Variants in PLCG2 observed in about 807,000 individuals in gnomAD.
PLCG2 encodes 1-phosphatidylinositol 4,5-bisphosphate phosphodiesterase gamma-2.
PLCG2 carries 69 observed loss-of-function variants against 175.6 expected under a neutral mutation model. That is an observed-to-expected ratio of 0.39 (90% CI 0.32 to 0.48). PLCG2 has a LOEUF of 0.48. Ranked by LOEUF, PLCG2 falls within the 20% of genes least tolerant of loss-of-function variation. The pLI is 0.91. For synonymous variants in PLCG2, 827 were observed against 624.0 expected (o/e 1.33, Z -4.85); for missense variants, 1,798 against 1,650.9 (o/e 1.09, Z -1.54).
At chr16:81,779,863 C>T (rs1016938496) in intron 1 of PLCG2, among the ~76,000 whole-genome samples, 1 of 152,128 alleles carries the variant, frequency 6.6e-6, no homozygotes, top group Non-Finnish European at 1.5e-5. Flanking sequence ...TTGCGGGTGG[C>T]GGGTGGGAGC....
intron 2 of PLCG2, among the ~76,000 whole-genome samples, chr16:81,792,467 C>A (rs1177131722): frequency 4.1e-5 from 4 of 97,320 alleles, no homozygotes; most frequent in African/African-American, 8.8e-5. Flanking sequence ...GGTGACAGAG[C>A]AAGGCTCTGT....
At chr16:81,922,498 C>T (rs1404626005) in intron 21 of PLCG2, among the ~76,000 whole-genome samples, 1 of 152,242 alleles carries the variant, frequency 6.6e-6, no homozygotes, top group Non-Finnish European at 1.5e-5. Context: ...TATCATTATA[C>T]ACATGATCTC....
chr16:81,781,362 G>T (rs1028326528), intron 1 of PLCG2, among the ~76,000 whole-genome samples: 7 of 146,170 alleles, frequency 4.8e-5, no homozygotes, highest in Admixed American at 3.6e-4. Flanking sequence ...CAGTGCATGT[G>T]CACCATTATT....
rs546850221 is a variant in PLCG2, at chr16:81,962,120, C to T, written c.*4122C>T. 4.9e-4 allele frequency: 90 copies of T among 185,200 alleles called. No individual in the cohort carries two copies. Among genetic ancestry groups the T allele is most frequent in the African/African-American group, 2.0e-3 (84 of 42,712 alleles). The allele number at this position is 185,200 out of a possible 1,614,324, so 11.5% of individuals were successfully genotyped here. On this transcript the variant is annotated 3_prime_UTR_variant, in exon 33 of 33. Coordinates refer to ENST00000564138, the MANE Select transcript of PLCG2 (RefSeq NM_002661.5). ...GGACCGGTCTTCGGTCAAGGGTATA[C>T]GAGTAGCTGCGCTCCCCTGCTGGAA...
At chr16:81,896,684 A>G (rs1322753715) in intron 13 of PLCG2, among the ~76,000 whole-genome samples, 1 of 152,040 alleles carries the variant, frequency 6.6e-6, no homozygotes, top group Non-Finnish European at 1.5e-5. Flanking sequence ...TCTCACCCCC[A>G]CCAAACCTGT....
Position 81,874,948 on chromosome 16 carries a change from G to GTTTTTTTGTTTTTTTGTTCTTTT in PLCG2, c.648+4020_648+4021insGTTTTTTTGTTCTTTTTTTTTTT, listed in dbSNP as rs1907695346. On this transcript the variant is annotated intron_variant, in intron 7 of 32. Coordinates refer to ENST00000564138, the MANE Select transcript of PLCG2 (RefSeq NM_002661.5). ...CTATTTGCTAGGCACTATCCTATGT[G>GTTTTTTTGTTTTTTTGTTCTTTT]TTTTTTTTTTTTTTTTTTTTTTTTT... Among the ~76,000 whole-genome samples, 7 of 40,768 alleles carry GTTTTTTTGTTTTTTTGTTCTTTT rather than the reference G, an allele frequency of 1.7e-4. 1 individual carries two copies. Among genetic ancestry groups the GTTTTTTTGTTTTTTTGTTCTTTT allele is most frequent in the Admixed American group, 6.4e-4 (2 of 3,130 alleles). The allele number at this position is 40,768 out of a possible 152,430, so 26.7% of individuals were successfully genotyped here. A position where few individuals can be genotyped will look rare whatever the true frequency, so the allele number is the denominator to read the frequency against.
At chr16:81,903,605 G>A (rs1481968918) in intron 14 of PLCG2, among the ~76,000 whole-genome samples, 4 of 152,174 alleles carry the variant, frequency 2.6e-5, no homozygotes, top group Admixed American at 6.5e-5. Context: ...CAGTTGTTTC[G>A]GAGATGCCAA....
At chr16:81,790,047 C>A (rs747631050) in intron 2 of PLCG2, among the ~76,000 whole-genome samples, 29 of 152,220 alleles carry the variant, frequency 1.9e-4, no homozygotes, top group African/African-American at 6.3e-4. Context: ...TACCTCCACT[C>A]TCTGAACTTT....
intron 7 of PLCG2, among the ~76,000 whole-genome samples, chr16:81,876,091 T>G (rs532803004): frequency 3.6e-5 from 5 of 138,882 alleles, no homozygotes; most frequent in African/African-American, 1.3e-4. Flanking sequence ...AGTGGTACAA[T>G]CATGGCTCAC....
intron 2 of PLCG2, among the ~76,000 whole-genome samples, chr16:81,821,637 A>C (rs1258352220): frequency 1.3e-5 from 2 of 152,284 alleles, no homozygotes; most frequent in African/African-American, 4.8e-5. Flanking sequence ...TGGGCTGACC[A>C]ACCCATTTAA....
upstream of PLCG2, among the ~76,000 whole-genome samples, chr16:81,777,416 AAT>A (rs1910439562): frequency 1.3e-5 from 2 of 151,736 alleles, no homozygotes; most frequent in African/African-American, 4.9e-5. Flanking sequence ...GATTGGTTGA[AAT>A]AAATACAAGC....
At chr16:81,889,297 G>C in intron 10 of PLCG2, 24 bp downstream of exon 10, 5 of 1,306,464 alleles carry the variant, frequency 3.8e-6, no homozygotes, top group Non-Finnish European at 5.5e-6. Context: ...GCTTGTTGTC[G>C]CTTGGGGGTG....
At chr16:81,872,319 C>G (rs981831628) in intron 7 of PLCG2, among the ~76,000 whole-genome samples, 1 of 152,208 alleles carries the variant, frequency 6.6e-6, no homozygotes, top group Non-Finnish European at 1.5e-5. Context: ...CAGAGTGAGA[C>G]TCCATCTCAA....
intron 19 of PLCG2, among the ~76,000 whole-genome samples, chr16:81,918,125 GA>G (rs2143679067): frequency 6.6e-6 from 1 of 152,306 alleles, no homozygotes; most frequent in African/African-American, 2.4e-5. Context: ...TCAGTTTGCA[GA>G]TGTTTTTCCC....
intron 2 of PLCG2, chr16:81,767,452 A>G (rs1352888483): frequency 6.6e-6 from 1 of 151,914 alleles, no homozygotes; most frequent in Non-Finnish European, 1.5e-5. Flanking sequence ...GCCTCAACTG[A>G]TACACTCTTG....
rs71400177 is a variant in PLCG2, at chr16:81,835,744, G to A, written c.194-18700G>A. 2.6e-5 allele frequency among the ~76,000 whole-genome samples: 4 copies of A among 152,186 alleles called. No homozygotes were observed. In the East Asian group the frequency reaches 7.7e-4, roughly 29 times the overall value. On this transcript the variant is annotated intron_variant, in intron 2 of 32. Coordinates refer to ENST00000564138, the MANE Select transcript of PLCG2 (RefSeq NM_002661.5). The stretch of plus-strand genomic sequence containing the variant: ...TTATTCCCTTGCAGTGTGGAGCTTA[G>A]AAGTCTGAAATCAAGGTGTTGGTAG...
chr16:81,916,189 C>G (rs1909831625), intron 19 of PLCG2, among the ~76,000 whole-genome samples: 1 of 151,490 alleles, frequency 6.6e-6, no homozygotes, highest in South Asian at 2.1e-4. Flanking sequence ...AAATAAACCA[C>G]TGAAGCAGAA....
upstream of PLCG2, among the ~76,000 whole-genome samples, chr16:81,776,559 C>T (rs1157766940): frequency 6.6e-6 from 1 of 152,136 alleles, no homozygotes; most frequent in Non-Finnish European, 1.5e-5. Flanking sequence ...ATGATGACGA[C>T]GATTGTTAAT....
intron 31 of PLCG2, among the ~76,000 whole-genome samples, chr16:81,948,124 A>G (rs1911222723): frequency 2.0e-5 from 3 of 152,252 alleles, no homozygotes; most frequent in Non-Finnish European, 4.4e-5. Context: ...TTTTCTGATT[A>G]AAAATTATTT....
Sources: gnomAD v4.1 joint callset for allele counts (sites outside exome capture counted in the v4.1 genomes callset) on GRCh38, gnomAD v4.1.1 for gene constraint, MANE v1.5 for transcripts, NCBI Gene and HGNC (gene_info 2026-07-23, HGNC 2026-07-21) for gene names.